The following TASOR2 variants were observed in gnomAD, a reference collection of about 807,000 sequenced individuals.
The protein encoded by TASOR2 is transcription activation suppressor family member 2, also known as protein TASOR 2.
A neutral mutation model predicts 199.5 loss-of-function variants in TASOR2; 84 were observed. The observed-to-expected ratio is 0.42, with a 90% CI of 0.35 to 0.50. The LOEUF is 0.50. Among genes scored for constraint, TASOR2 ranks in the 20% least tolerant of loss-of-function variants. The pLI, the probability that TASOR2 is intolerant of heterozygous loss-of-function variation, is 0.02. For missense variants in TASOR2, 2,796 were observed against 2,835.9 expected, an observed-to-expected ratio of 0.99 and a Z score of 0.32; for synonymous variants, 1,103 against 1,046.6, an observed-to-expected ratio of 1.05 and a Z score of -1.04.
chr10:5,756,138 A>ACAATCGCATGCTGTTT (rs1231850307), intron 15 of TASOR2, among the ~76,000 whole-genome samples: 1 of 152,206 alleles, frequency 6.6e-6, no homozygotes, highest in Admixed American at 6.5e-5. Context: ...GTGGCACCGT[A>ACAATCGCATGCTGTTT]CAATCGCATG....
exon 19 of TASOR2, chr10:5,761,413 A>G (rs770742994): frequency 1.9e-6 from 3 of 1,613,868 alleles, no homozygotes; most frequent in East Asian, 4.5e-5. Context: ...AAATTCTGAA[A>G]TGTTTGCTAA....
chr10:5,723,800 G>A (rs374967651), intron 7 of TASOR2, 23 bp downstream of exon 8: 16 of 1,494,232 alleles, frequency 1.1e-5, no homozygotes, highest in South Asian at 3.6e-5. Context: ...GTAATAACAC[G>A]CTACTTGTCC....
In TASOR2 at chr10:5,739,849, C is replaced by T. The variant is rs373298323; in HGVS notation, c.1679C>T (p.Ser560Phe). The change falls in exon 13 of 21, where the codon TCC (serine) becomes TTC (phenylalanine). Residue 560 changes from serine to phenylalanine, a missense_variant. Ser to Phe is a radical substitution (Grantham distance 155). Coordinates refer to ENST00000328090, the Ensembl canonical transcript of TASOR2. ...TCTGAGGCTAGAAATCTTCACTGTT[C>T]CTCTGAATTGCCACAAAATGATGTT... 1.1e-5 allele frequency: 17 copies of T among 1,614,040 alleles called. No homozygotes were observed. Among genetic ancestry groups the T allele is most frequent in the Non-Finnish European group, 1.3e-5 (15 of 1,180,032 alleles).
chr10:5,749,492 C>G (rs1225770733), exon 15 of TASOR2: 2 of 1,613,998 alleles, frequency 1.2e-6, no homozygotes, highest in African/African-American at 1.3e-5. Flanking sequence ...ACAAAAATCT[C>G]TGAGGCCCCA....
At position 5,749,799 on chromosome 10, in the gene TASOR2, CCAATT is replaced by C. The variant is rs1271811300; in HGVS notation, c.6381_6385del (p.Gln2127HisfsTer9). The C allele has an allele frequency of 1.7e-5, 28 of 1,614,016 alleles. No individual in the cohort carries two copies. Among genetic ancestry groups the C allele is most frequent in the Non-Finnish European group, 2.4e-5 (28 of 1,179,966 alleles). On this transcript the variant is annotated frameshift_variant, in exon 15 of 21. Coordinates refer to ENST00000328090, the Ensembl canonical transcript of TASOR2. LOFTEE classifies it high-confidence loss of function. ...TCAACAAGGTGATGAAGAATAGCAA[CCAATT>C]CATTTTCCAAGACAAAGAGCTAAAT...
In TASOR2 at chr10:5,701,504, A is replaced by T. The variant is rs1837840234; in HGVS notation, c.-287-11319A>T. Among the ~76,000 whole-genome samples the T allele has an allele frequency of 6.6e-6, 1 of 152,160 alleles. No individual in the cohort carries two copies. The highest frequency in any genetic ancestry group is 2.4e-5 in the African/African-American group (1 of 41,442). ...TTCTATTTCTGTGAAGAAGAATGTC[A>T]TTGGAATTTTGATAGGGATTGATTG... On this transcript the variant is annotated intron_variant, in intron 1 of 20. Coordinates refer to ENST00000328090, the Ensembl canonical transcript of TASOR2. This position sits in a 1 kb window ranked among gnomAD's most constrained non-coding sequence, Gnocchi z 4.9.
intron 2 of TASOR2, among the ~76,000 whole-genome samples, chr10:5,715,659 C>T (rs967228772): frequency 1.3e-5 from 2 of 150,556 alleles, no homozygotes; most frequent in African/African-American, 4.9e-5. Flanking sequence ...TTTTTGGTGG[C>T]GGGGTACGGA....
chr10:5,705,879 A>C (rs1838523395), intron 1 of TASOR2, among the ~76,000 whole-genome samples: 1 of 152,136 alleles, frequency 6.6e-6, no homozygotes, highest in Admixed American at 6.5e-5. Flanking sequence ...AATTTTTAGG[A>C]AGTCTGATGT....
At chr10:5,704,530 G>T (rs1838328590) in intron 1 of TASOR2, among the ~76,000 whole-genome samples, 1 of 151,824 alleles carries the variant, frequency 6.6e-6, no homozygotes, top group Non-Finnish European at 1.5e-5. Flanking sequence ...TGATTAATTT[G>T]ACTAAAGATA....
At chr10:5,716,931 TATAAAC>T (rs1409613130) in intron 2 of TASOR2, among the ~76,000 whole-genome samples, 1 of 146,894 alleles carries the variant, frequency 6.8e-6, no homozygotes, top group Admixed American at 6.9e-5. Context: ...TATATATAAA[TATAAAC>T]ATACACATTG....
chr10:5,700,044 A>C (rs532277487), intron 1 of TASOR2, among the ~76,000 whole-genome samples: 13 of 152,256 alleles, frequency 8.5e-5, no homozygotes, highest in African/African-American at 2.9e-4. Context: ...GTCTTCTATC[A>C]AACCATATAT....
chr10:5,707,764 A>ACG (rs1831306087), intron 1 of TASOR2, among the ~76,000 whole-genome samples: 1 of 110,632 alleles, frequency 9.0e-6, no homozygotes, highest in African/African-American at 2.8e-5. Context: ...ACACACACAC[A>ACG]CACACACACA....
intron 17 of TASOR2, among the ~76,000 whole-genome samples, chr10:5,758,412 G>A (rs1839280999): frequency 1.3e-5 from 2 of 152,110 alleles, no homozygotes; most frequent in African/African-American, 4.8e-5. Context: ...GTGGTAGTGT[G>A]TGCCTGTAGT....
At position 5,723,722 on chromosome 10, in the gene TASOR2, GA is replaced by G. The variant is rs1317158125; in HGVS notation, c.199del (p.Arg67AspfsTer29). The G allele has an allele frequency of 3.1e-6, 5 of 1,602,570 alleles. No individual in the cohort carries two copies. Among genetic ancestry groups the G allele is most frequent in the Admixed American group, 3.4e-5 (2 of 58,932 alleles). On this transcript the variant is annotated frameshift_variant, in exon 7 of 21. Transcript: ENST00000328090. LOFTEE classifies it high-confidence loss of function. ...AATATGTAATGAAAGTGTCTTCCTT[GA>G]AAAAAAGACTACCAGAGGCTGCCTT...
At chr10:5,761,244 GAATA>G (rs1564376976) in intron 18 of TASOR2, 42 bp from the exon 20 acceptor site, 1 of 1,536,416 alleles carries the variant, frequency 6.5e-7, no homozygotes, top group Non-Finnish European at 8.8e-7. Flanking sequence ...AAAGTCCTAA[GAATA>G]AAACTGAAAA....
exon 15 of TASOR2, chr10:5,749,692 C>T (rs765816030): frequency 1.2e-5 from 20 of 1,614,062 alleles, no homozygotes; most frequent in East Asian, 2.2e-5. Flanking sequence ...TGTTTCATTC[C>T]ACCTCAACAA....
rs1209702559 is a variant in TASOR2, at chr10:5,717,731, TA to T, written c.-117del. ...TATCATGGGAAATCTGGTTATGTTGTAATTTTTAATATAATTAAGGTAAAGC... is the reference window on the plus strand; with the variant it reads ...TATCATGGGAAATCTGGTTATGTTGTATTTTTAATATAATTAAGGTAAAGC... On this transcript the variant is annotated 5_prime_UTR_variant, in exon 3 of 21. The change abolishes the stop of an existing upstream ORF in the 5' untranslated region. Coordinates refer to ENST00000328090, the Ensembl canonical transcript of TASOR2. The T allele has an allele frequency of 1.7e-6, 2 of 1,206,662 alleles. No individual in the cohort carries two copies. Among genetic ancestry groups the T allele is most frequent in the Non-Finnish European group, 2.1e-6 (2 of 964,746 alleles). 74.7% of individuals were successfully genotyped at this position (1,206,662 alleles called of 1,614,324 possible).
chr10:5,721,956 T>C (rs955052075), intron 6 of TASOR2, among the ~76,000 whole-genome samples: 1 of 152,192 alleles, frequency 6.6e-6, no homozygotes, highest in African/African-American at 2.4e-5. Flanking sequence ...AAGAAAAGAC[T>C]GAAAAACTGT....
In TASOR2 at chr10:5,754,848, CCTGG is replaced by C. The variant is rs1380829943; in HGVS notation, c.6607-1762_6607-1759del. Among the ~76,000 whole-genome samples the C allele has an allele frequency of 2.0e-5, 3 of 151,426 alleles. No homozygotes were observed. The highest frequency in any genetic ancestry group is 4.4e-5 in the Non-Finnish European group (3 of 67,848). ...CACAAGGTCAGGAGATTGAGACCTT[CCTGG>C]CTAACACCGTGAAACCCCATCTCTA... is the stretch of plus-strand genomic sequence containing the variant. On this transcript the variant is annotated intron_variant, in intron 15 of 20. Transcript: ENST00000328090. This position sits in a 1 kb window ranked among gnomAD's most constrained non-coding sequence, Gnocchi z 4.3.
Sources: gnomAD v4.1 joint callset for allele counts (sites outside exome capture counted in the v4.1 genomes callset) on GRCh38, gnomAD v4.1.1 for gene constraint, Gnocchi (gnomAD v3.1) non-coding constraint, MANE v1.5 for transcripts, NCBI Gene and HGNC (gene_info 2026-07-23, HGNC 2026-07-21) for gene names.